The following CREB5 variants were observed in gnomAD, a reference collection of about 807,000 sequenced individuals.
CREB5 encodes the protein cAMP responsive element binding protein 5.
In CREB5, 19 loss-of-function variants were observed where a neutral mutation model predicts 57.1. The ratio of observed to expected loss-of-function variants is 0.33; its 90% CI spans 0.23 to 0.49. The LOEUF (loss-of-function observed/expected upper bound fraction) is 0.49. CREB5 is among the 20% of genes least tolerant of loss of function. CREB5 has a pLI of 0.99. For synonymous variants in CREB5, 238 were observed against 238.3 expected, an observed-to-expected ratio of 1.00 and a Z score of 0.01; for missense variants, 579 against 671.6, an observed-to-expected ratio of 0.86 and a Z score of 1.52.
At chr7:28,616,722 A>G (rs951720115) in intron 5 of CREB5, among the ~76,000 whole-genome samples, 1 of 152,176 alleles carries the variant, frequency 6.6e-6, no homozygotes, top group Non-Finnish European at 1.5e-5. Flanking sequence ...GCCTTAAAAA[A>G]TTGTGTACAG....
At chr7:28,306,317 G>A (rs529818861) in intron 1 of CREB5, among the ~76,000 whole-genome samples, 38 of 152,280 alleles carry the variant, frequency 2.5e-4, no homozygotes, top group African/African-American at 8.9e-4. Flanking sequence ...AGGCTTAGAA[G>A]GGATAATAGC....
chr7:28,672,204 C>A (rs184679176), intron 5 of CREB5, among the ~76,000 whole-genome samples: 4 of 151,774 alleles, frequency 2.6e-5, no homozygotes, highest in African/African-American at 9.7e-5. Flanking sequence ...CACACACACA[C>A]ACACACACAC....
chr7:28,473,272 C>A (rs531113594), intron 1 of CREB5, among the ~76,000 whole-genome samples: 1 of 151,996 alleles, frequency 6.6e-6, no homozygotes, highest in African/African-American at 2.4e-5. Context: ...TAGCGGGCTG[C>A]GAAGGCACCA....
rs116751197 is a variant in CREB5, at chr7:28,730,529, G to T, written c.702+6197G>T. Among the ~76,000 whole-genome samples the T allele has an allele frequency of 7.7e-3, 1,170 of 152,196 alleles. 13 individuals carry two copies. Among genetic ancestry groups the T allele is most frequent in the African/African-American group, 0.026 (1,084 of 41,510 alleles). On this transcript the variant is annotated intron_variant, in intron 7 of 10. Coordinates refer to ENST00000357727, the MANE Select transcript of CREB5 (RefSeq NM_182898.4). Reference sequence around the variant, plus strand: ...TATTTTACGAGTGAATAAACTGAAAGGTTGGGTATGTTGTAGAGCATGCAG... The same window carrying T: ...TATTTTACGAGTGAATAAACTGAAATGTTGGGTATGTTGTAGAGCATGCAG...
chr7:28,492,826 T>C (rs1337900293), intron 2 of CREB5, among the ~76,000 whole-genome samples: 1 of 151,418 alleles, frequency 6.6e-6, no homozygotes, highest in African/African-American at 2.4e-5. Context: ...TTATAATTAG[T>C]TGTTTGACGG....
intron 1 of CREB5, among the ~76,000 whole-genome samples, chr7:28,436,476 T>C (rs953555186): frequency 1.1e-4 from 16 of 152,092 alleles, no homozygotes; most frequent in African/African-American, 3.9e-4. Flanking sequence ...ATTCCTTTGG[T>C]TGGGTGGCAA....
At chr7:28,631,916 G>A (rs1383277173) in intron 5 of CREB5, among the ~76,000 whole-genome samples, 1 of 152,186 alleles carries the variant, frequency 6.6e-6, no homozygotes, top group Non-Finnish European at 1.5e-5. Context: ...CAGAAGAGTA[G>A]AGAGAATGAC....
At chr7:28,623,467 G>T (rs1437998479) in intron 5 of CREB5, among the ~76,000 whole-genome samples, 1 of 152,124 alleles carries the variant, frequency 6.6e-6, no homozygotes, top group Non-Finnish European at 1.5e-5. Flanking sequence ...GTTTGCGAGG[G>T]TTAAATGGTT....
chr7:28,689,909 G>GGTGTGTGTGTGTGTGTGT (rs34310030), intron 5 of CREB5, among the ~76,000 whole-genome samples: 1 of 141,578 alleles, frequency 7.1e-6, no homozygotes, highest in African/African-American at 2.7e-5. Flanking sequence ...ACTTGTATTT[G>GGTGTGTGTGTGTGTGTGT]GTGTGTGTGT....
chr7:28,587,578 G>A (rs1015214594), intron 5 of CREB5, among the ~76,000 whole-genome samples: 4 of 151,980 alleles, frequency 2.6e-5, no homozygotes, highest in African/African-American at 9.7e-5. Context: ...GGGGAGGAGA[G>A]ACTCATATTA....
chr7:28,423,648 T>A (rs1788370278), intron 1 of CREB5, among the ~76,000 whole-genome samples: 1 of 151,210 alleles, frequency 6.6e-6, no homozygotes. Context: ...GGTGCTGAAT[T>A]GGGGGATGGT....
chr7:28,703,472 GAT>G (rs1195500139), intron 5 of CREB5, among the ~76,000 whole-genome samples: 1 of 152,056 alleles, frequency 6.6e-6, no homozygotes, highest in African/African-American at 2.4e-5. Flanking sequence ...AAGAGAGAGA[GAT>G]ATATGGTTTA....
chr7:28,492,012 G>A (rs1791828744), intron 2 of CREB5, among the ~76,000 whole-genome samples: 1 of 151,948 alleles, frequency 6.6e-6, no homozygotes, highest in South Asian at 2.1e-4. Flanking sequence ...GTTTTGTTTT[G>A]TTTTGAGATG....
At chr7:28,303,080 T>C (rs1389851287) in intron 1 of CREB5, among the ~76,000 whole-genome samples, 1 of 148,784 alleles carries the variant, frequency 6.7e-6, no homozygotes. Context: ...AGGCAGAGGT[T>C]GCGGTGAGCC....
chr7:28,526,725 G>A (rs1297998272), intron 4 of CREB5, among the ~76,000 whole-genome samples: 4 of 152,320 alleles, frequency 2.6e-5, no homozygotes, highest in African/African-American at 9.6e-5. Flanking sequence ...CTGAGAAGCC[G>A]AAAGGCCGAC....
intron 1 of CREB5, among the ~76,000 whole-genome samples, chr7:28,345,809 G>C (rs1445526951): frequency 6.6e-6 from 1 of 152,164 alleles, no homozygotes; most frequent in Admixed American, 6.5e-5. Flanking sequence ...CCAGGGACTT[G>C]TGCAGAGGTG....
rs183259087 is a variant in CREB5 at position 28,420,665 on chromosome 7, G to A, written c.3+7748G>A. Among the ~76,000 whole-genome samples, 454 of 152,126 alleles carry A rather than the reference G, an allele frequency of 3.0e-3. 1 individual carries two copies. The highest frequency in any genetic ancestry group is 4.8e-3 in the Non-Finnish European group (323 of 67,990). On this transcript the variant is annotated intron_variant, in intron 1 of 10. Coordinates refer to ENST00000357727, the MANE Select transcript of CREB5 (RefSeq NM_182898.4). Reference sequence around the variant, plus strand: ...CTACTAAAAATACAAAAAATTAGCCGGGCATGGTGGCACACACCTGTAGTC... The same window carrying A: ...CTACTAAAAATACAAAAAATTAGCCAGGCATGGTGGCACACACCTGTAGTC...
At chr7:28,552,313 C>A (rs1402762947) in intron 4 of CREB5, among the ~76,000 whole-genome samples, 1 of 152,222 alleles carries the variant, frequency 6.6e-6, no homozygotes, top group Non-Finnish European at 1.5e-5. Context: ...GCTGGAATTA[C>A]AGGCATGAGT....
At chr7:28,662,558 T>C (rs1284730584) in intron 5 of CREB5, among the ~76,000 whole-genome samples, 1 of 152,140 alleles carries the variant, frequency 6.6e-6, no homozygotes, top group African/African-American at 2.4e-5. Flanking sequence ...TAAAGCTGAC[T>C]TGTCATCTCT....
Sources: gnomAD v4.1 joint callset for allele counts (sites outside exome capture counted in the v4.1 genomes callset) on GRCh38, gnomAD v4.1.1 for gene constraint, MANE v1.5 for transcripts, NCBI Gene and HGNC (gene_info 2026-07-23, HGNC 2026-07-21) for gene names.